Variants in GPHN observed in about 807,000 individuals in gnomAD.
The protein encoded by GPHN is gephyrin.
In GPHN, 17 loss-of-function variants were observed where a neutral mutation model predicts 95.5. The observed-to-expected ratio is 0.18, with a 90% CI of 0.12 to 0.27. The LOEUF (loss-of-function observed/expected upper bound fraction) is 0.27. GPHN is among the 10% of genes least tolerant of loss of function. GPHN has a pLI of 1.00. For missense variants in GPHN, 660 were observed against 978.1 expected (o/e 0.67, Z 4.34); for synonymous variants, 320 against 322.5 (o/e 0.99, Z 0.08).
the GPHN span, among the ~76,000 whole-genome samples, chr14:67,293,764 G>C: frequency 6.6e-6 from 1 of 152,108 alleles, no homozygotes; most frequent in Non-Finnish European, 1.5e-5. Flanking sequence ...AAGTGAACTG[G>C]TTTCAAATCC....
intron 4 of GPHN, among the ~76,000 whole-genome samples, chr14:66,857,457 T>C (rs1434098063): frequency 6.6e-6 from 1 of 152,178 alleles, no homozygotes; most frequent in Non-Finnish European, 1.5e-5. Context: ...GCAGATCACT[T>C]ACGTAGAAAT....
In GPHN at chr14:67,179,565, C is replaced by T. The variant is rs377362584; in HGVS notation, c.2080-13C>T. 14 of 1,499,452 alleles carry T rather than the reference C, an allele frequency of 9.3e-6. No homozygotes were observed. The African/African-American group carries it at 1.2e-4, about 13-fold the overall frequency. 92.9% of individuals were successfully genotyped at this position (1,499,452 alleles called of 1,614,324 possible). On this transcript the variant is annotated splice_polypyrimidine_tract_variant and intron_variant, in intron 21 of 22. Transcript: ENST00000478722. ...GTGACCAAGTTTGTTTTCTTTTCTACTTTATTCTGTAGTTATCATGTGATG... is the reference window on the plus strand; with the variant it reads ...GTGACCAAGTTTGTTTTCTTTTCTATTTTATTCTGTAGTTATCATGTGATG...
chr14:67,210,217 G>A, the GPHN span, among the ~76,000 whole-genome samples: 18 of 152,134 alleles, frequency 1.2e-4, no homozygotes, highest in Admixed American at 3.3e-4. Context: ...TGGAAAAATG[G>A]CTAACCAGGA....
chr14:67,143,453 T>C lies in GPHN; in HGVS notation c.1836+4T>C. ...GGGTGTATCCATGGGGGAAAAGGTA[T>C]GAAAGATAGGGCTCGTGAAAATGTA... On this transcript the variant is annotated splice_donor_region_variant and intron_variant, in intron 18 of 22. Transcript: ENST00000478722. The C allele has an allele frequency of 1.3e-6, 2 of 1,536,568 alleles. No homozygotes were observed. Among genetic ancestry groups the C allele is most frequent in the Non-Finnish European group, 1.8e-6 (2 of 1,109,304 alleles).
chr14:67,582,836 T>TCAAAA, the GPHN span, among the ~76,000 whole-genome samples: 6 of 152,140 alleles, frequency 3.9e-5, 1 homozygote, highest in South Asian at 1.0e-3. The surrounding 1 kb of genome is among the most constrained non-coding windows in gnomAD (Gnocchi z 5.0). Context: ...AAACTCTGTC[T>TCAAAA]CAAAACAAAA....
chr14:66,881,019 G>T (rs1220178808), intron 5 of GPHN, among the ~76,000 whole-genome samples: 1 of 151,882 alleles, frequency 6.6e-6, no homozygotes, highest in Non-Finnish European at 1.5e-5. Context: ...TATGTATCCT[G>T]TGTGTAATAT....
At chr14:66,625,355 G>T (rs1274167134) in intron 1 of GPHN, among the ~76,000 whole-genome samples, 1 of 152,052 alleles carries the variant, frequency 6.6e-6, no homozygotes, top group African/African-American at 2.4e-5. Context: ...TTACACTCAT[G>T]GGCCACCATG....
chr14:67,324,031 C>T, the GPHN span, among the ~76,000 whole-genome samples: 1 of 152,186 alleles, frequency 6.6e-6, no homozygotes, highest in Non-Finnish European at 1.5e-5. Flanking sequence ...CTTTGAGCGT[C>T]TTCACATGGG....
At chr14:67,585,801 A>G in the GPHN span, 23 of 1,026,642 alleles carry the variant, frequency 2.2e-5, no homozygotes, top group Non-Finnish European at 3.2e-5. Flanking sequence ...TAGTCTAGAC[A>G]CTGCTTGTAG....
At chr14:66,521,997 T>A (rs2058503102) in intron 1 of GPHN, among the ~76,000 whole-genome samples, 1 of 152,160 alleles carries the variant, frequency 6.6e-6, no homozygotes, top group Non-Finnish European at 1.5e-5. Context: ...TCACTGTTTC[T>A]TCTTTCTCCT....
At chr14:67,009,884 G>A (rs1167037621) in intron 9 of GPHN, among the ~76,000 whole-genome samples, 2 of 151,556 alleles carry the variant, frequency 1.3e-5, no homozygotes, top group East Asian at 2.0e-4. Flanking sequence ...TCAGCCTCCC[G>A]AGTAGCTGAG....
chr14:67,382,485 G>GACA, the GPHN span: 1 of 1,613,486 alleles, frequency 6.2e-7, no homozygotes, highest in Non-Finnish European at 8.5e-7. Context: ...TAATGACTAC[G>GACA]ACAACCCTGG....
chr14:67,171,734 T>C (rs1327651870), intron 21 of GPHN, among the ~76,000 whole-genome samples: 2 of 151,992 alleles, frequency 1.3e-5, no homozygotes, highest in Non-Finnish European at 2.9e-5. Flanking sequence ...CAGCAGAGTG[T>C]ATCCGTGGAG....
chr14:67,693,366 G>C, the GPHN span, among the ~76,000 whole-genome samples: 27 of 152,128 alleles, frequency 1.8e-4, no homozygotes, highest in African/African-American at 6.5e-4. Context: ...TTGTGACTTA[G>C]GAAATCACAA....
intron 1 of GPHN, among the ~76,000 whole-genome samples, chr14:66,642,420 A>G (rs1595373217): frequency 6.6e-6 from 1 of 152,182 alleles, no homozygotes; most frequent in Non-Finnish European, 1.5e-5. Context: ...GTTGCTAAAC[A>G]TAGCCTCTAG....
intron 17 of GPHN, among the ~76,000 whole-genome samples, chr14:67,125,329 CCCT>C (rs1190277710): frequency 1.3e-5 from 2 of 152,130 alleles, no homozygotes; most frequent in Admixed American, 1.3e-4. Flanking sequence ...GTGAAGGCTA[CCCT>C]CCTTCATTCT....
intron 1 of GPHN, among the ~76,000 whole-genome samples, chr14:66,545,422 C>T (rs1193472882): frequency 7.1e-6 from 1 of 141,466 alleles, no homozygotes; most frequent in Admixed American, 6.8e-5. Flanking sequence ...GGCGGCTGGC[C>T]GGGCAGAGGG....
chr14:67,344,434 A>G, the GPHN span, among the ~76,000 whole-genome samples: 1 of 152,234 alleles, frequency 6.6e-6, no homozygotes, highest in Non-Finnish European at 1.5e-5. Flanking sequence ...CCTAAATAAC[A>G]ACATAAAAAT....
At chr14:67,228,774 A>G in the GPHN span, among the ~76,000 whole-genome samples, 1 of 152,292 alleles carries the variant, frequency 6.6e-6, no homozygotes, top group African/African-American at 2.4e-5. Flanking sequence ...TTTTGTTTCT[A>G]ACATTGGAGA....
Sources: gnomAD v4.1 joint callset for allele counts (sites outside exome capture counted in the v4.1 genomes callset) on GRCh38, gnomAD v4.1.1 for gene constraint, Gnocchi (gnomAD v3.1) non-coding constraint, MANE v1.5 for transcripts, NCBI Gene and HGNC (gene_info 2026-07-23, HGNC 2026-07-21) for gene names.